The following SOX5 variants were observed in gnomAD, a reference collection of about 807,000 sequenced individuals.
SOX5 encodes the protein SRY-box transcription factor 5.
A neutral mutation model predicts 92.0 loss-of-function variants in SOX5; 9 were observed. The observed-to-expected ratio is 0.10, with a 90% confidence interval of 0.06 to 0.17. The LOEUF (loss-of-function observed/expected upper bound fraction) is 0.17. SOX5 is among the 10% of genes least tolerant of loss of function. The pLI, the probability that SOX5 is intolerant of heterozygous loss-of-function variation, is 1.00. For synonymous variants in SOX5, 344 were observed against 336.3 expected (o/e 1.02, Z -0.25); for missense variants, 642 against 944.5 (o/e 0.68, Z 4.20).
intron 2 of SOX5, among the ~76,000 whole-genome samples, chr12:23,863,602 C>T (rs1165697580): frequency 2.0e-5 from 3 of 151,774 alleles, no homozygotes; most frequent in African/African-American, 7.3e-5. Flanking sequence ...TTGTTTTATC[C>T]CTATATATGT....
rs543111705 is a variant in SOX5, at chr12:23,788,474, T to A, written c.482-32750A>T. 1.8e-4 allele frequency among the ~76,000 whole-genome samples: 28 copies of A among 152,056 alleles called. No homozygotes were observed. The South Asian group carries it at 4.1e-3, about 23-fold the overall frequency. On this transcript the variant is annotated intron_variant, in intron 3 of 14. Coordinates refer to ENST00000451604, the MANE Select transcript of SOX5 (RefSeq NM_006940.6). Reference sequence around the variant, plus strand: ...ACGTGCTTGTAATAGCATTTTTTTTTAATGAACATTTCTTTTAAAATTCTT... The same window carrying A: ...ACGTGCTTGTAATAGCATTTTTTTTAAATGAACATTTCTTTTAAAATTCTT...
chr12:23,534,477 A>G lies in SOX5; in HGVS notation c.2034T>C (p.Pro678=). ...GCATCCCAGCCATGGCGATGGCTCC[A>G]GGGTACACAACACCAGCAGTGGCAA... ...IPIATAGVVY[P]GAIAMAGMPS... is the part of the protein sequence containing the mutation. The change falls in exon 15 of 15, where the codon CCT becomes CCC. Residue 678 remains proline, a synonymous_variant. Coordinates refer to ENST00000451604, the MANE Select transcript of SOX5 (RefSeq NM_006940.6). The G allele has an allele frequency of 6.2e-7, 1 of 1,613,944 alleles. No homozygotes were observed. Among genetic ancestry groups the G allele is most frequent in the Non-Finnish European group, 8.5e-7 (1 of 1,179,988 alleles).
chr12:24,064,001 T>C (rs998718626), intron 4 of SOX5, among the ~76,000 whole-genome samples: 1 of 152,158 alleles, frequency 6.6e-6, no homozygotes, highest in Non-Finnish European at 1.5e-5. Flanking sequence ...AATAAAATGG[T>C]AGGGAGAGGT....
intron 1 of SOX5, among the ~76,000 whole-genome samples, chr12:24,517,034 C>T (rs924025695): frequency 6.6e-6 from 1 of 152,140 alleles, no homozygotes; most frequent in African/African-American, 2.4e-5. Flanking sequence ...CTTAAACACT[C>T]AACCTAAAAT....
chr12:23,945,085 C>G (rs7960515), intron 1 of SOX5, among the ~76,000 whole-genome samples: 56,092 of 151,940 alleles, frequency 0.37, 10,790 homozygotes, highest in Non-Finnish European at 0.43. Context: ...GGTTGCTGAA[C>G]AATTGATAGT....
chr12:24,048,342 T>C (rs1043312921), intron 4 of SOX5, among the ~76,000 whole-genome samples: 1 of 152,176 alleles, frequency 6.6e-6, no homozygotes, highest in African/African-American at 2.4e-5. Context: ...GGAATTAAAA[T>C]GATGAATTTC....
At chr12:24,428,758 A>AAAAAAAAAAAAAC (rs1967051400) in intron 1 of SOX5, among the ~76,000 whole-genome samples, 1 of 121,528 alleles carries the variant, frequency 8.2e-6, no homozygotes, top group Non-Finnish European at 1.7e-5. Flanking sequence ...AAAAAAAAAA[A>AAAAAAAAAAAAAC]AGCTAATTTC....
intron 4 of SOX5, among the ~76,000 whole-genome samples, chr12:24,041,205 T>A (rs773893058): frequency 3.9e-5 from 6 of 152,164 alleles, no homozygotes; most frequent in Non-Finnish European, 8.8e-5. Context: ...AAATGGGGCT[T>A]TCTCTATCTT....
chr12:24,432,378 C>T (rs1056607732), intron 1 of SOX5, among the ~76,000 whole-genome samples: 2 of 152,092 alleles, frequency 1.3e-5, no homozygotes, highest in African/African-American at 4.8e-5. Context: ...ACGTGAAAAG[C>T]CCCCAATAAA....
intron 1 of SOX5, among the ~76,000 whole-genome samples, chr12:24,529,005 A>G (rs975622125): frequency 6.6e-6 from 1 of 152,184 alleles, no homozygotes; most frequent in African/African-American, 2.4e-5. Flanking sequence ...CCTTTGAGCA[A>G]TCTTGTGAAA....
At chr12:23,720,049 T>G (rs914565030) in intron 6 of SOX5, among the ~76,000 whole-genome samples, 1 of 152,194 alleles carries the variant, frequency 6.6e-6, no homozygotes, top group Admixed American at 6.5e-5. Flanking sequence ...GTAATGCATT[T>G]AAGAGCAGTA....
intron 4 of SOX5, among the ~76,000 whole-genome samples, chr12:24,146,076 T>C (rs1268361639): frequency 2.0e-5 from 3 of 152,130 alleles, no homozygotes; most frequent in African/African-American, 7.2e-5. Flanking sequence ...CAATAATTGA[T>C]AGAATAAGTA....
chr12:24,045,630 G>T (rs112399968), intron 4 of SOX5, among the ~76,000 whole-genome samples: 2,782 of 152,226 alleles, frequency 0.018, 65 homozygotes, highest in African/African-American at 0.063. Context: ...CAGGGCCAAT[G>T]AGAAACTGCT....
At chr12:24,023,018 G>A (rs775159001) in intron 4 of SOX5, among the ~76,000 whole-genome samples, 1 of 151,784 alleles carries the variant, frequency 6.6e-6, no homozygotes, top group South Asian at 2.1e-4. Context: ...TCTACCTCCC[G>A]AGATATTCAA....
intron 3 of SOX5, among the ~76,000 whole-genome samples, chr12:24,265,992 C>T (rs1942947974): frequency 6.6e-6 from 1 of 150,796 alleles, no homozygotes; most frequent in Admixed American, 6.6e-5. Context: ...TCTTGATCTC[C>T]TGAGGAGCTG....
At chr12:24,293,204 T>C (rs957720754) in intron 2 of SOX5, among the ~76,000 whole-genome samples, 9 of 152,126 alleles carry the variant, frequency 5.9e-5, no homozygotes, top group African/African-American at 2.2e-4. Context: ...TGATATGTGA[T>C]GGAAGGAGAG....
intron 3 of SOX5, among the ~76,000 whole-genome samples, chr12:23,786,102 A>G (rs2095372574): frequency 6.6e-6 from 1 of 151,966 alleles, no homozygotes; most frequent in Admixed American, 6.5e-5. Flanking sequence ...GAACCATGAA[A>G]CCATTCTTTT....
At chr12:23,770,696 C>A (rs1398936062) in intron 3 of SOX5, among the ~76,000 whole-genome samples, 2 of 152,118 alleles carry the variant, frequency 1.3e-5, no homozygotes, top group Non-Finnish European at 2.9e-5. Flanking sequence ...CATCAGTAAG[C>A]AGCACCTAAC....
At chr12:23,738,965 A>G (rs571425576) in intron 5 of SOX5, among the ~76,000 whole-genome samples, 1 of 152,356 alleles carries the variant, frequency 6.6e-6, no homozygotes, top group South Asian at 2.1e-4. Context: ...CATTTCATTA[A>G]AAATAAAACG....
Sources: allele counts gnomAD v4.1 joint callset (sites outside exome capture counted in the v4.1 genomes callset), GRCh38; gene constraint gnomAD v4.1.1; transcripts MANE v1.5; gene names NCBI Gene and HGNC (gene_info 2026-07-23, HGNC 2026-07-21).